The following TMPRSS9 variants were observed in gnomAD, a reference collection of about 807,000 sequenced individuals.
TMPRSS9 encodes transmembrane protease serine 9.
In TMPRSS9, 113 loss-of-function variants were observed where a neutral mutation model predicts 111.4. The ratio of observed to expected loss-of-function variants is 1.01; its 90% CI spans 0.87 to 1.19. The LOEUF is 1.19. Among genes scored for constraint, TMPRSS9 ranks in the 50% most tolerant of loss-of-function variants. TMPRSS9 has a pLI of 0.00. For synonymous variants in TMPRSS9, 805 were observed against 659.1 expected (o/e 1.22, Z -3.39); for missense variants, 1,803 against 1,513.1 (o/e 1.19, Z -3.18).
chr19:2,375,719 A>G (rs1970328233), intron 1 of TMPRSS9, among the ~76,000 whole-genome samples: 6 of 152,198 alleles, frequency 3.9e-5, no homozygotes. Flanking sequence ...GGCTAGCACC[A>G]TGATCGACCA....
intron 15 of TMPRSS9, 63 bp from the exon 17 acceptor site, chr19:2,424,939 C>T (rs1971571063): frequency 7.2e-7 from 1 of 1,387,848 alleles, no homozygotes; most frequent in African/African-American, 1.5e-5. Context: ...TGGGGGACAC[C>T]ACAGGGGCGG....
Position 2,383,156 on chromosome 19 carries a change from C to G in TMPRSS9, c.-25-6605C>G, listed in dbSNP as rs932578790. On this transcript the variant is annotated intron_variant, in intron 1 of 17. Coordinates refer to the TMPRSS9 transcript ENST00000649857. ...ATCACCTGAGATCAGGAGTTCCACA[C>G]CAGCCTGGCCAACATAGCAAGATCC... Among the ~76,000 whole-genome samples, 4 of 152,242 alleles carry G rather than the reference C, an allele frequency of 2.6e-5. No homozygotes were observed. In the East Asian group the frequency reaches 7.7e-4, roughly 29 times the overall value.
intron 1 of TMPRSS9, among the ~76,000 whole-genome samples, chr19:2,395,454 G>A (rs974845956): frequency 4.0e-5 from 6 of 151,666 alleles, no homozygotes; most frequent in African/African-American, 4.8e-5. Flanking sequence ...GGCCGGGCGC[G>A]GTGGCTCATG....
intron 1 of TMPRSS9, among the ~76,000 whole-genome samples, chr19:2,363,705 G>C: frequency 6.6e-6 from 1 of 151,790 alleles, no homozygotes; most frequent in Non-Finnish European, 1.5e-5. Flanking sequence ...GGCTTAGCTG[G>C]GGAGCAGGGT....
intron 10 of TMPRSS9, among the ~76,000 whole-genome samples, chr19:2,415,050 TTC>T (rs1042769650): frequency 6.0e-5 from 9 of 150,828 alleles, no homozygotes; most frequent in African/African-American, 2.0e-4. Flanking sequence ...GTTCAAGTGA[TTC>T]TCCTGCCTCA....
chr19:2,389,969 C>G (rs1335757878), intron 1 of TMPRSS9, 42 bp downstream of exon 2: 13 of 1,583,876 alleles, frequency 8.2e-6, no homozygotes, highest in Non-Finnish European at 6.0e-6. Context: ...ATACAAGGGA[C>G]ATGTGCAAAG....
At chr19:2,394,029 CG>C (rs1010537933) in intron 1 of TMPRSS9, among the ~76,000 whole-genome samples, 88 of 152,036 alleles carry the variant, frequency 5.8e-4, no homozygotes, top group African/African-American at 1.8e-3. Flanking sequence ...GATGAAACCC[CG>C]TCTCTACTAA....
At chr19:2,381,536 AGT>A (rs1379904897) in intron 1 of TMPRSS9, among the ~76,000 whole-genome samples, 1 of 151,958 alleles carries the variant, frequency 6.6e-6, no homozygotes, top group East Asian at 1.9e-4. Context: ...TAAATGGGAA[AGT>A]GTGGTGCAGC....
chr19:2,367,730 A>AT (rs1340245629), intron 1 of TMPRSS9, among the ~76,000 whole-genome samples: 2 of 147,494 alleles, frequency 1.4e-5, no homozygotes, highest in Non-Finnish European at 3.0e-5. Context: ...TGCCTGGCTA[A>AT]TTTTTTGTAT....
At chr19:2,401,619 T>C (rs897431552) in intron 4 of TMPRSS9, among the ~76,000 whole-genome samples, 2 of 152,052 alleles carry the variant, frequency 1.3e-5, no homozygotes, top group African/African-American at 2.4e-5. Context: ...CTTTTTTCTT[T>C]TTTTTTGAGA....
intron 1 of TMPRSS9, among the ~76,000 whole-genome samples, chr19:2,380,010 C>G (rs1348778684): frequency 1.3e-5 from 2 of 151,976 alleles, no homozygotes; most frequent in Non-Finnish European, 2.9e-5. Flanking sequence ...CCTCAGCCTC[C>G]CATGGTGCTG....
intron 6 of TMPRSS9, among the ~76,000 whole-genome samples, chr19:2,403,577 C>T (rs1458912925): frequency 6.6e-6 from 1 of 151,976 alleles, no homozygotes; most frequent in South Asian, 2.1e-4. Flanking sequence ...AAGAGATTAG[C>T]AGGGTGCGGT....
chr19:2,419,240 G>A (rs1199613342), intron 13 of TMPRSS9, among the ~76,000 whole-genome samples: 2 of 144,830 alleles, frequency 1.4e-5, no homozygotes, highest in Non-Finnish European at 3.0e-5. Context: ...GTCTGGCTCT[G>A]TCGCCCAGGC....
At chr19:2,367,567 T>TA (rs1970257449) in intron 1 of TMPRSS9, among the ~76,000 whole-genome samples, 1 of 148,828 alleles carries the variant, frequency 6.7e-6, no homozygotes, top group African/African-American at 2.5e-5. Flanking sequence ...GCTAATTTTT[T>TA]TTTTTTTTTT....
chr19:2,387,354 G>A (rs971170071), upstream of TMPRSS9, among the ~76,000 whole-genome samples: 1 of 152,164 alleles, frequency 6.6e-6, no homozygotes, highest in Non-Finnish European at 1.5e-5. Flanking sequence ...AATTAGCCAG[G>A]TGTGGTGCTG....
intron 1 of TMPRSS9, among the ~76,000 whole-genome samples, chr19:2,374,390 T>C (rs1171407912): frequency 1.5e-5 from 2 of 131,628 alleles, no homozygotes; most frequent in African/African-American, 3.2e-5. Flanking sequence ...CTGACCAATA[T>C]GGTGAAACCC....
chr19:2,421,994 C>T, exon 14 of TMPRSS9: 1 of 1,613,146 alleles, frequency 6.2e-7, no homozygotes, highest in Non-Finnish European at 8.5e-7. Flanking sequence ...AGGGCTGGAT[C>T]CTGGAGATCA....
chr19:2,417,606 C>A (rs111633056), intron 12 of TMPRSS9, among the ~76,000 whole-genome samples: 2 of 152,264 alleles, frequency 1.3e-5, no homozygotes, highest in African/African-American at 4.8e-5. Flanking sequence ...CATGATCATG[C>A]CACTGCACTC....
chr19:2,360,941 A>G (rs1970190427), intron 1 of TMPRSS9, among the ~76,000 whole-genome samples: 1 of 150,694 alleles, frequency 6.6e-6, no homozygotes, highest in African/African-American at 2.4e-5. Context: ...AGATGTGTAG[A>G]TACAGCTGGG....
Sources: gnomAD v4.1 joint callset for allele counts (sites outside exome capture counted in the v4.1 genomes callset) on GRCh38, gnomAD v4.1.1 for gene constraint, MANE v1.5 for transcripts, NCBI Gene and HGNC (gene_info 2026-07-23, HGNC 2026-07-21) for gene names.